ZFHX3: variants seen among roughly 807,000 people sequenced by gnomAD.
ZFHX3 encodes the protein zinc finger homeobox protein 3.
A neutral mutation model predicts 279.1 loss-of-function variants in ZFHX3; 42 were observed. That is an observed-to-expected ratio of 0.15 (90% CI 0.12 to 0.19). ZFHX3 has a LOEUF of 0.19. Among genes scored for constraint, ZFHX3 ranks in the 10% least tolerant of loss-of-function variants. The probability of loss-of-function intolerance (pLI) is 1.00; values close to 1 mark genes in which losing one functional copy is unlikely to be tolerated. For synonymous variants in ZFHX3, 2,293 were observed against 1,957.8 expected (o/e 1.17, Z -4.52); for missense variants, 4,981 against 4,754.0 (o/e 1.05, Z -1.40).
chr16:73,415,997 G>A (rs1209951070), intron 3 of ZFHX3, among the ~76,000 whole-genome samples: 1 of 151,862 alleles, frequency 6.6e-6, no homozygotes, highest in Non-Finnish European at 1.5e-5. Flanking sequence ...ATGGGCACCT[G>A]TAATCCCAGC....
chr16:73,246,704 T>A (rs2013291202), intron 5 of ZFHX3, among the ~76,000 whole-genome samples: 1 of 152,242 alleles, frequency 6.6e-6, no homozygotes, highest in African/African-American at 2.4e-5. Context: ...ATTCTTTAGA[T>A]ACGATGTGCT....
Position 72,788,664 on chromosome 16 carries a change from TTGCTGCTGCTGC to T in ZFHX3, c.9600_9611del (p.Gln3201_Gln3204del), listed in dbSNP as rs376311468. 220 of 1,611,730 alleles carry T rather than the reference TTGCTGCTGCTGC, an allele frequency of 1.4e-4. 4 individuals carry two copies. The highest frequency in any genetic ancestry group is 9.5e-4 in the South Asian group (86 of 90,896). On this transcript the variant is annotated inframe_deletion, in exon 10 of 10. Coordinates refer to ENST00000268489, the MANE Select transcript of ZFHX3 (RefSeq NM_006885.4). ...GCGGGGGAGGCTGCTGCACCTGTGG[TTGCTGCTGCTGC>T]TGCTGCTGCTGGGGGGGTTGCTGAG...
chr16:73,759,619 C>T (rs1418144708), intron 1 of ZFHX3, among the ~76,000 whole-genome samples: 1 of 152,158 alleles, frequency 6.6e-6, no homozygotes, highest in East Asian at 1.9e-4. Flanking sequence ...GAGATAAACT[C>T]TTTAAGGACT....
At chr16:73,662,705 A>G (rs963428487) in intron 2 of ZFHX3, among the ~76,000 whole-genome samples, 1 of 152,244 alleles carries the variant, frequency 6.6e-6, no homozygotes, top group Non-Finnish European at 1.5e-5. Flanking sequence ...AGCAATGCTG[A>G]AAGCGAACAA....
At chr16:73,498,876 G>A (rs779013991) in intron 2 of ZFHX3, among the ~76,000 whole-genome samples, 1 of 152,162 alleles carries the variant, frequency 6.6e-6, no homozygotes, top group Non-Finnish European at 1.5e-5. Flanking sequence ...GCTGGGCGGG[G>A]CAGGGAGTGA....
chr16:73,731,873 T>C (rs1407544128), intron 1 of ZFHX3, among the ~76,000 whole-genome samples: 2 of 152,170 alleles, frequency 1.3e-5, no homozygotes, highest in African/African-American at 4.8e-5. Context: ...TTTGGAAGGA[T>C]AGACTGGAAA....
intron 2 of ZFHX3, among the ~76,000 whole-genome samples, chr16:73,468,525 C>T (rs1296332984): frequency 6.6e-6 from 1 of 152,158 alleles, no homozygotes. Context: ...CACTTGAGGT[C>T]AAGAGTTTGA....
At chr16:73,861,086 C>T (rs1045890420) in intron 1 of ZFHX3, among the ~76,000 whole-genome samples, 2 of 151,656 alleles carry the variant, frequency 1.3e-5, no homozygotes, top group African/African-American at 4.9e-5. Context: ...ACCTCAGCCT[C>T]CTGAGTAGCT....
intron 1 of ZFHX3, among the ~76,000 whole-genome samples, chr16:73,689,112 G>A (rs2053121091): frequency 6.6e-6 from 1 of 152,162 alleles, no homozygotes; most frequent in South Asian, 2.1e-4. Flanking sequence ...CATTTTAAAT[G>A]ATCCAATAAA....
chr16:73,772,858 T>G (rs2054033918), intron 1 of ZFHX3, among the ~76,000 whole-genome samples: 2 of 152,234 alleles, frequency 1.3e-5, no homozygotes, highest in Admixed American at 1.3e-4. Context: ...AGAAAATTCT[T>G]GCTTTGGGAG....
intron 5 of ZFHX3, among the ~76,000 whole-genome samples, chr16:73,241,658 C>A (rs1043373519): frequency 1.3e-5 from 2 of 152,048 alleles, no homozygotes; most frequent in African/African-American, 4.8e-5. Flanking sequence ...GACATGGTGG[C>A]ACATGCCTAT....
intron 3 of ZFHX3, among the ~76,000 whole-genome samples, chr16:72,948,136 C>A (rs887837203): frequency 2.6e-5 from 4 of 152,310 alleles, no homozygotes; most frequent in Non-Finnish European, 5.9e-5. Flanking sequence ...TCCCCGCCCC[C>A]TGTGGCGAAG....
intron 1 of ZFHX3, among the ~76,000 whole-genome samples, chr16:73,026,324 G>C (rs1174396299): frequency 4.0e-5 from 6 of 150,240 alleles, no homozygotes; most frequent in Non-Finnish European, 7.4e-5. Flanking sequence ...AGTGAGCCGA[G>C]ATCACACCAC....
rs12927990 is a variant in ZFHX3, at chr16:73,623,084, C to T, written c.-1547+57096G>A. Among the ~76,000 whole-genome samples the T allele has an allele frequency of 6.1e-3, 927 of 151,760 alleles. 9 individuals carry two copies. Among genetic ancestry groups the T allele is most frequent in the African/African-American group, 0.021 (881 of 41,370 alleles). ...CAGAGTCTGGCTCTTTCGCCCAGGC[C>T]GAACTGCAGTGGCGCTATCTCGGCT... On this transcript the variant is annotated intron_variant, in intron 2 of 17. Coordinates refer to the ZFHX3 transcript ENST00000641206.
chr16:72,838,712 G>T (rs977087592), intron 4 of ZFHX3, among the ~76,000 whole-genome samples: 2 of 152,124 alleles, frequency 1.3e-5, no homozygotes, highest in African/African-American at 4.8e-5. Flanking sequence ...TGGGGGTCAA[G>T]AGAGGAGAAA....
intron 3 of ZFHX3, among the ~76,000 whole-genome samples, chr16:72,901,435 G>C (rs955059360): frequency 6.6e-6 from 1 of 152,132 alleles, no homozygotes; most frequent in African/African-American, 2.4e-5. Context: ...GAGAAGACAG[G>C]GCAGCCGGCG....
chr16:73,284,817 A>G (rs1351140195), intron 4 of ZFHX3, among the ~76,000 whole-genome samples: 2 of 152,096 alleles, frequency 1.3e-5, no homozygotes, highest in Non-Finnish European at 2.9e-5. Flanking sequence ...AAATAGGCAT[A>G]TATTCTTTTT....
At chr16:73,639,697 T>C (rs1281044177) in intron 2 of ZFHX3, among the ~76,000 whole-genome samples, 2 of 151,846 alleles carry the variant, frequency 1.3e-5, no homozygotes, top group South Asian at 2.1e-4. Flanking sequence ...ACATGGTAGA[T>C]TGAACATGTG....
At chr16:72,909,030 T>C (rs1217596497) in intron 3 of ZFHX3, among the ~76,000 whole-genome samples, 1 of 152,150 alleles carries the variant, frequency 6.6e-6, no homozygotes, top group African/African-American at 2.4e-5. Context: ...CGGATGCAGG[T>C]TTAGTTACCA....
Sources: allele counts gnomAD v4.1 joint callset (sites outside exome capture counted in the v4.1 genomes callset), GRCh38; gene constraint gnomAD v4.1.1; transcripts MANE v1.5; gene names NCBI Gene and HGNC (gene_info 2026-07-23, HGNC 2026-07-21).